Variants in CSMD1 observed in about 807,000 individuals in gnomAD.
CSMD1 encodes the protein CUB and sushi domain-containing protein 1.
A neutral mutation model predicts 417.5 loss-of-function variants in CSMD1; 213 were observed. The ratio of observed to expected loss-of-function variants is 0.51; its 90% CI spans 0.46 to 0.57. The LOEUF (loss-of-function observed/expected upper bound fraction) is 0.57, where lower values mean the gene tolerates loss of function less well. CSMD1 is among the 20% of genes least tolerant of loss of function. The probability of loss-of-function intolerance (pLI) is 0.00; values close to 1 mark genes in which losing one functional copy is unlikely to be tolerated. For missense variants in CSMD1, 6,923 were observed against 4,529.7 expected, an observed-to-expected ratio of 1.53 and a Z score of -15.17; for synonymous variants, 2,862 against 1,736.8, an observed-to-expected ratio of 1.65 and a Z score of -16.11.
intron 3 of CSMD1, among the ~76,000 whole-genome samples, chr8:4,294,987 C>A (rs71502982): frequency 2.7e-5 from 4 of 149,960 alleles, no homozygotes; most frequent in Non-Finnish European, 4.4e-5. Flanking sequence ...TGCCAAGTCA[C>A]CTGATCTGAA....
At chr8:4,569,497 G>C (rs765390460) in intron 2 of CSMD1, among the ~76,000 whole-genome samples, 2 of 152,054 alleles carry the variant, frequency 1.3e-5, no homozygotes, top group Admixed American at 6.6e-5. Context: ...TGTTCCATTG[G>C]TCTCTATATC....
chr8:4,493,963 C>G (rs1306615890), intron 2 of CSMD1, among the ~76,000 whole-genome samples: 1 of 152,124 alleles, frequency 6.6e-6, no homozygotes, highest in Non-Finnish European at 1.5e-5. Flanking sequence ...CAACTTGGTT[C>G]TACTGATTAA....
At chr8:4,359,209 C>T (rs1438404076) in intron 3 of CSMD1, among the ~76,000 whole-genome samples, 1 of 152,164 alleles carries the variant, frequency 6.6e-6, no homozygotes, top group Non-Finnish European at 1.5e-5. Flanking sequence ...GCATGAGTTG[C>T]ATTATCTGTA....
intron 2 of CSMD1, among the ~76,000 whole-genome samples, chr8:4,433,961 G>A (rs1465181224): frequency 6.6e-6 from 1 of 152,152 alleles, no homozygotes; most frequent in Non-Finnish European, 1.5e-5. Context: ...TATTCACTGT[G>A]GGCTCCAGGA....
chr8:3,206,935 C>T (rs1300423949), intron 30 of CSMD1, among the ~76,000 whole-genome samples: 1 of 151,904 alleles, frequency 6.6e-6, no homozygotes, highest in Non-Finnish European at 1.5e-5. Flanking sequence ...AGTCAGCTCC[C>T]CTCATCTGTT....
chr8:4,697,468 G>C (rs1389436759), intron 1 of CSMD1, among the ~76,000 whole-genome samples: 1 of 152,170 alleles, frequency 6.6e-6, no homozygotes, highest in African/African-American at 2.4e-5. Context: ...TAAAAAATTT[G>C]GCAGCTATTA....
chr8:4,144,794 T>G (rs896342146), intron 3 of CSMD1, among the ~76,000 whole-genome samples: 2 of 151,046 alleles, frequency 1.3e-5, no homozygotes, highest in Non-Finnish European at 2.9e-5. Flanking sequence ...AGGTTGTCAG[T>G]AAGAGTTGCA....
intron 1 of CSMD1, among the ~76,000 whole-genome samples, chr8:4,980,776 G>T (rs2977726): frequency 1.3e-5 from 2 of 151,778 alleles, no homozygotes; most frequent in Non-Finnish European, 2.9e-5. Flanking sequence ...GTGGTGGCAT[G>T]GGTCTGTAGT....
intron 10 of CSMD1, among the ~76,000 whole-genome samples, chr8:3,523,618 CAT>C (rs1162036875): frequency 6.6e-6 from 1 of 151,952 alleles, no homozygotes; most frequent in Non-Finnish European, 1.5e-5. Flanking sequence ...TACACACACA[CAT>C]GCATGCACAC....
intron 5 of CSMD1, among the ~76,000 whole-genome samples, chr8:3,957,593 C>T (rs1023070623): frequency 6.6e-6 from 1 of 151,904 alleles, no homozygotes; most frequent in African/African-American, 2.4e-5. Flanking sequence ...CTGAGGTGGA[C>T]AGATGGCTTG....
intron 5 of CSMD1, among the ~76,000 whole-genome samples, chr8:3,964,165 A>G (rs1409773108): frequency 6.6e-6 from 1 of 152,242 alleles, no homozygotes; most frequent in African/African-American, 2.4e-5. Flanking sequence ...ACCAATTTTC[A>G]TCTTAACAAG....
intron 6 of CSMD1, among the ~76,000 whole-genome samples, chr8:3,742,364 C>G (rs1424245687): frequency 1.3e-5 from 2 of 152,100 alleles, no homozygotes; most frequent in African/African-American, 4.8e-5. Context: ...GCGAATCTGA[C>G]CCGAATATTT....
intron 3 of CSMD1, among the ~76,000 whole-genome samples, chr8:4,375,254 G>C (rs1802657884): frequency 6.6e-6 from 1 of 152,110 alleles, no homozygotes; most frequent in African/African-American, 2.4e-5. Flanking sequence ...AAAACATGCA[G>C]TTGTCCATAA....
intron 4 of CSMD1, among the ~76,000 whole-genome samples, chr8:4,018,489 G>A (rs986988260): frequency 6.6e-6 from 1 of 152,088 alleles, no homozygotes; most frequent in Admixed American, 6.5e-5. Flanking sequence ...GGAGCAGGTG[G>A]AGGAAGGGGA....
intron 3 of CSMD1, among the ~76,000 whole-genome samples, chr8:4,391,921 G>A (rs536556973): frequency 8.5e-5 from 13 of 152,164 alleles, no homozygotes; most frequent in African/African-American, 2.9e-4. Context: ...AGAACCCTGA[G>A]GCTCCCATGA....
At chr8:3,996,127 G>C (rs1317208621) in intron 5 of CSMD1, among the ~76,000 whole-genome samples, 3 of 152,198 alleles carry the variant, frequency 2.0e-5, no homozygotes, top group Non-Finnish European at 2.9e-5. Context: ...AAGTTTCTTT[G>C]GCAAAAGCTG....
At chr8:2,993,658 T>C (rs1806610830) in intron 54 of CSMD1, among the ~76,000 whole-genome samples, 2 of 152,190 alleles carry the variant, frequency 1.3e-5, no homozygotes, top group South Asian at 4.1e-4. Context: ...CGTATAGATC[T>C]AATCCTCTAG....
At chr8:3,957,648 C>G (rs924281094) in intron 5 of CSMD1, among the ~76,000 whole-genome samples, 5 of 151,766 alleles carry the variant, frequency 3.3e-5, no homozygotes, top group Middle Eastern at 6.8e-3. Context: ...CATGCCACTG[C>G]ACTCCAGCCT....
intron 3 of CSMD1, among the ~76,000 whole-genome samples, chr8:4,311,441 G>C (rs930849510): frequency 1.3e-5 from 2 of 152,128 alleles, no homozygotes; most frequent in East Asian, 1.9e-4. Flanking sequence ...TGGAATCTAA[G>C]TCTGGACATC....
Sources: allele counts gnomAD v4.1 joint callset (sites outside exome capture counted in the v4.1 genomes callset), GRCh38; gene constraint gnomAD v4.1.1; transcripts MANE v1.5; gene names NCBI Gene and HGNC (gene_info 2026-07-23, HGNC 2026-07-21).